Variants in EXOC6 observed in about 807,000 individuals in gnomAD.
The protein encoded by EXOC6 is SEC15-like 1.
EXOC6 carries 60 observed loss-of-function variants against 112.5 expected under a neutral mutation model. The ratio of observed to expected loss-of-function variants is 0.53; its 90% CI spans 0.43 to 0.66. EXOC6 has a LOEUF of 0.66. EXOC6 is among the 30% of genes least tolerant of loss of function. The pLI, the probability that EXOC6 is intolerant of heterozygous loss-of-function variation, is 0.00. For synonymous variants in EXOC6, 295 were observed against 308.0 expected (o/e 0.96, Z 0.44); for missense variants, 855 against 957.1 (o/e 0.89, Z 1.41).
intron 1 of EXOC6, among the ~76,000 whole-genome samples, chr10:92,866,264 CTGT>C (rs1356141005): frequency 6.6e-6 from 1 of 152,118 alleles, no homozygotes; most frequent in Admixed American, 6.5e-5. Flanking sequence ...TGAGAACTGT[CTGT>C]TGTACACAAG....
At chr10:92,934,521 A>C in intron 11 of EXOC6, 91 bp downstream of exon 11, 2 of 1,081,448 alleles carry the variant, frequency 1.8e-6, no homozygotes, top group Non-Finnish European at 2.5e-6. Flanking sequence ...CTGTACCTCC[A>C]TCATTCTGCA....
intron 4 of EXOC6, 133 bp from the exon 5 acceptor site, chr10:92,899,466 A>G: frequency 1.7e-6 from 1 of 594,062 alleles, no homozygotes; most frequent in Non-Finnish European, 2.9e-6. Context: ...ATTTTATTTG[A>G]AAATATTAGC....
intron 1 of EXOC6, among the ~76,000 whole-genome samples, chr10:92,859,646 T>TAA (rs1254332204): frequency 6.6e-6 from 1 of 152,134 alleles, no homozygotes; most frequent in Non-Finnish European, 1.5e-5. Context: ...ACCTGTGGGT[T>TAA]CCCCAGAAGT....
chr10:92,991,281 C>A (rs914724189), intron 18 of EXOC6, among the ~76,000 whole-genome samples: 3 of 151,760 alleles, frequency 2.0e-5, no homozygotes, highest in South Asian at 2.1e-4. Context: ...ACCAAAAACA[C>A]AAATATTAGC....
intron 17 of EXOC6, among the ~76,000 whole-genome samples, chr10:92,960,855 G>T (rs1473045580): frequency 6.6e-6 from 1 of 152,106 alleles, no homozygotes; most frequent in African/African-American, 2.4e-5. Context: ...GTATGTAGCT[G>T]TAGTTTATTT....
At chr10:92,845,027 T>G (rs1846996988), upstream of EXOC6, among the ~76,000 whole-genome samples, 1 of 152,218 alleles carries the variant, frequency 6.6e-6, no homozygotes, top group African/African-American at 2.4e-5. Flanking sequence ...AAGAGTTTAT[T>G]TACAAGTCAA....
chr10:92,972,702 G>A (rs1392304610), intron 17 of EXOC6, among the ~76,000 whole-genome samples: 1 of 152,170 alleles, frequency 6.6e-6, no homozygotes, highest in Non-Finnish European at 1.5e-5. Context: ...TCAGGGTCTT[G>A]TCTTATCAGC....
At chr10:92,826,851 G>C (rs777899389) in exon 1 of EXOC6, among the ~76,000 whole-genome samples, 1 of 152,188 alleles carries the variant, frequency 6.6e-6, no homozygotes, top group Non-Finnish European at 1.5e-5. Context: ...TTCAGAAAGA[G>C]GGGAGAGCAG....
intron 12 of EXOC6, among the ~76,000 whole-genome samples, 181 bp from the exon 13 acceptor site, chr10:92,940,546 C>G (rs1589871506): frequency 6.6e-6 from 1 of 152,044 alleles, no homozygotes; most frequent in African/African-American, 2.4e-5. Context: ...CTTTCTGAAC[C>G]TCTTTTTTTA....
intron 5 of EXOC6, chr10:92,901,835 T>TCAAA (rs1564815073): frequency 3.5e-5 from 3 of 84,964 alleles, no homozygotes; most frequent in African/African-American, 1.4e-4. Context: ...CCATCTCTAC[T>TCAAA]GAAAAAAAAA....
intron 19 of EXOC6, among the ~76,000 whole-genome samples, chr10:93,008,778 T>G (rs1231749985): frequency 6.6e-6 from 1 of 152,194 alleles, no homozygotes; most frequent in Non-Finnish European, 1.5e-5. Flanking sequence ...AGGAGCTTCT[T>G]GTTTAGTGGA....
At chr10:92,946,766 C>T (rs555623231) in intron 13 of EXOC6, among the ~76,000 whole-genome samples, 23 of 152,258 alleles carry the variant, frequency 1.5e-4, no homozygotes, top group Non-Finnish European at 2.6e-4. Context: ...CGTATATATT[C>T]CAGTGGTCTA....
upstream of EXOC6, chr10:92,831,250 G>A: frequency 6.6e-6 from 7 of 1,058,606 alleles, no homozygotes; most frequent in Non-Finnish European, 9.0e-6. Flanking sequence ...GGAGCAGAGG[G>A]AAGCAACTGG....
chr10:92,954,564 A>T, intron 15 of EXOC6, 66 bp from the exon 16 acceptor site: 1 of 743,272 alleles, frequency 1.3e-6, no homozygotes, highest in South Asian at 1.9e-5. Context: ...GTGTTAAATT[A>T]TTTAGGATGT....
chr10:92,888,615 T>C, intron 1 of EXOC6, among the ~76,000 whole-genome samples: 1 of 152,206 alleles, frequency 6.6e-6, no homozygotes, highest in Non-Finnish European at 1.5e-5. Flanking sequence ...AATTGTAATA[T>C]AAAAAATTCT....
intron 1 of EXOC6, chr10:92,878,322 A>G (rs1326299751): frequency 6.6e-6 from 1 of 152,082 alleles, no homozygotes; most frequent in Non-Finnish European, 1.5e-5. Flanking sequence ...CTTTTTGGTA[A>G]TGATGCCAAG....
At chr10:93,010,525 C>A (rs1271567699) in intron 19 of EXOC6, among the ~76,000 whole-genome samples, 1 of 151,806 alleles carries the variant, frequency 6.6e-6, no homozygotes, top group Non-Finnish European at 1.5e-5. Flanking sequence ...ATGGTGAAAC[C>A]CTCTCTCTAC....
chr10:92,835,035 A>G (rs535146406), intron 1 of EXOC6, among the ~76,000 whole-genome samples: 6 of 152,348 alleles, frequency 3.9e-5, no homozygotes, highest in African/African-American at 1.2e-4. Context: ...ACTCATCACC[A>G]TAAGATTAAA....
chr10:92,840,824 G>C (rs1846820702), intron 1 of EXOC6, among the ~76,000 whole-genome samples: 1 of 151,748 alleles, frequency 6.6e-6, no homozygotes, highest in Non-Finnish European at 1.5e-5. Flanking sequence ...TGCCTGGCTA[G>C]TTTTTGTATT....
Sources: allele counts gnomAD v4.1 joint callset (sites outside exome capture counted in the v4.1 genomes callset), GRCh38; gene constraint gnomAD v4.1.1; transcripts MANE v1.5; gene names NCBI Gene and HGNC (gene_info 2026-07-23, HGNC 2026-07-21).